Variants in ZDHHC7 observed in about 807,000 individuals in gnomAD.
The protein encoded by ZDHHC7 is zDHHC palmitoyltransferase 7, also known as palmitoyltransferase ZDHHC7.
Under a neutral mutation model 34.1 loss-of-function variants are expected in ZDHHC7, and 12 were observed. The ratio of observed to expected loss-of-function variants is 0.35; its 90% CI spans 0.23 to 0.57. The LOEUF (loss-of-function observed/expected upper bound fraction) is 0.57, where lower values mean the gene tolerates loss of function less well. ZDHHC7 is among the 20% of genes least tolerant of loss of function. The probability of loss-of-function intolerance (pLI) is 0.84; values close to 1 mark genes in which losing one functional copy is unlikely to be tolerated. For synonymous variants in ZDHHC7, 185 were observed against 155.4 expected, an observed-to-expected ratio of 1.19 and a Z score of -1.42; for missense variants, 388 against 402.7, an observed-to-expected ratio of 0.96 and a Z score of 0.31.
chr16:85,018,017 G>A, the ZDHHC7 span, among the ~76,000 whole-genome samples: 1 of 152,060 alleles, frequency 6.6e-6, no homozygotes, highest in South Asian at 2.1e-4. Context: ...GACACGGGTG[G>A]GTGTGTGTTT....
At position 84,996,738 on chromosome 16, in the gene ZDHHC7, G is replaced by GA. The variant is rs2072583471; in HGVS notation, c.-103-732dup. 4.6e-5 allele frequency among the ~76,000 whole-genome samples: 7 copies of GA among 152,126 alleles called. No homozygotes were observed. The South Asian group carries it at 1.4e-3, about 31-fold the overall frequency. On this transcript the variant is annotated intron_variant, in intron 1 of 7. Transcript: ENST00000313732. ...TTGTCGTAGCTCCATTATAAAAAAA[G>GA]AAAGTCCAGGCCAGGCGCGGTGGCT...
chr16:85,015,346 C>T (rs760356843), upstream of ZDHHC7, among the ~76,000 whole-genome samples: 6 of 152,018 alleles, frequency 3.9e-5, no homozygotes, highest in East Asian at 1.9e-4. Context: ...GGCGATCCAC[C>T]CACCTCGTCT....
chr16:84,981,645 T>G (rs985507818), intron 4 of ZDHHC7, among the ~76,000 whole-genome samples: 1 of 152,212 alleles, frequency 6.6e-6, no homozygotes, highest in African/African-American at 2.4e-5. Flanking sequence ...AGGGGATCCC[T>G]GAATCCATAC....
At chr16:84,993,928 G>A (rs1049084340) in intron 2 of ZDHHC7, among the ~76,000 whole-genome samples, 6 of 152,174 alleles carry the variant, frequency 3.9e-5, no homozygotes, top group South Asian at 2.1e-4. Flanking sequence ...AGCACTTTGC[G>A]AAGAGGTCTC....
chr16:84,981,524 C>T (rs1048163969), intron 4 of ZDHHC7, among the ~76,000 whole-genome samples: 3 of 152,218 alleles, frequency 2.0e-5, no homozygotes, highest in African/African-American at 7.2e-5. Context: ...AGGATGTGCC[C>T]AGGAGCTGTG....
In ZDHHC7 at chr16:84,975,670, C is replaced by G. The variant is rs2072285856; in HGVS notation, c.*673G>C. 6.5e-6 allele frequency: 1 copy of G among 152,678 alleles called. No homozygotes were observed. Among genetic ancestry groups the G allele is most frequent in the African/African-American group, 2.4e-5 (1 of 41,448 alleles). The allele number at this position is 152,678 out of a possible 1,614,324, so 9.5% of individuals were successfully genotyped here. Reference sequence around the variant, plus strand: ...AAAATAGCTTGTTTGCTGTACACAGCCGGTAAATGTTACATTGCCTAAACA... The same window carrying G: ...AAAATAGCTTGTTTGCTGTACACAGGCGGTAAATGTTACATTGCCTAAACA... On this transcript the variant is annotated 3_prime_UTR_variant, in exon 8 of 8. Coordinates refer to ENST00000313732, the MANE Select transcript of ZDHHC7 (RefSeq NM_017740.3).
chr16:84,977,267 C>A, intron 6 of ZDHHC7, 42 bp from the exon 7 acceptor site: 3 of 1,604,878 alleles, frequency 1.9e-6, no homozygotes, highest in Non-Finnish European at 1.7e-6. Flanking sequence ...TCCTGAATAC[C>A]CCGAGTGGCA....
At position 84,975,806 on chromosome 16, in the gene ZDHHC7, G is replaced by C. The variant is rs1597525906; in HGVS notation, c.*537C>G. 1 of 156,410 alleles carries C rather than the reference G, an allele frequency of 6.4e-6. No homozygotes were observed. The highest frequency in any genetic ancestry group is 1.9e-4 in the East Asian group (1 of 5,192). 9.7% of individuals were successfully genotyped at this position (156,410 alleles called of 1,614,324 possible). A position where few individuals can be genotyped will look rare whatever the true frequency, so the allele number is the denominator to read the frequency against. ...TGTCTCTTCCGGGGCAGCGGGGAGT[G>C]TGCCGGAAGCCACCTTCACTGTTCA... On this transcript the variant is annotated 3_prime_UTR_variant, in exon 8 of 8. Transcript: ENST00000313732.
intron 1 of ZDHHC7, among the ~76,000 whole-genome samples, chr16:85,003,470 C>T (rs1200019432): frequency 6.6e-6 from 1 of 152,244 alleles, no homozygotes; most frequent in East Asian, 1.9e-4. Context: ...CTCCTAAGTG[C>T]TCTTGCCATC....
intron 1 of ZDHHC7, among the ~76,000 whole-genome samples, chr16:85,004,201 A>G (rs1248769213): frequency 6.6e-6 from 1 of 151,854 alleles, no homozygotes; most frequent in Non-Finnish European, 1.5e-5. Flanking sequence ...CCCAAAAAAA[A>G]AGGCCCCGCC....
intron 4 of ZDHHC7, among the ~76,000 whole-genome samples, chr16:84,979,949 C>CTTTTTTT (rs561019555): frequency 4.2e-5 from 4 of 96,016 alleles, no homozygotes; most frequent in Admixed American, 1.4e-4. Flanking sequence ...ATAGCGTCAC[C>CTTTTTTT]TTTTTTTTTT....
chr16:85,007,985 T>C (rs2072739901), intron 1 of ZDHHC7, among the ~76,000 whole-genome samples: 1 of 151,938 alleles, frequency 6.6e-6, no homozygotes, highest in Non-Finnish European at 1.5e-5. Context: ...CAGGGTGGCG[T>C]ACACCTGTGG....
At chr16:85,013,100 G>A (rs890876457), upstream of ZDHHC7, among the ~76,000 whole-genome samples, 1 of 151,940 alleles carries the variant, frequency 6.6e-6, no homozygotes, top group African/African-American at 2.4e-5. Context: ...AGCCCAGAGA[G>A]GGCACCAAAG....
At chr16:85,014,403 T>G (rs1282826826), upstream of ZDHHC7, among the ~76,000 whole-genome samples, 1 of 152,218 alleles carries the variant, frequency 6.6e-6, no homozygotes, top group Non-Finnish European at 1.5e-5. Context: ...CTCTTTTTTT[T>G]AGAAAAGGTT....
chr16:84,974,664 G>A lies in ZDHHC7; in HGVS notation c.*1679C>T, dbSNP rs1441125848. The A allele has an allele frequency of 6.5e-6, 1 of 152,684 alleles. No individual in the cohort carries two copies. Among genetic ancestry groups the A allele is most frequent in the Non-Finnish European group, 1.5e-5 (1 of 68,048 alleles). The allele number at this position is 152,684 out of a possible 1,614,324, so 9.5% of individuals were successfully genotyped here. On this transcript the variant is annotated 3_prime_UTR_variant, in exon 8 of 8. Transcript: ENST00000313732. The stretch of plus-strand genomic sequence containing the variant: ...ACGCATGTCCAACCCAGACAACAAT[G>A]TGCAAATGAATATGCAGAACAATCT...
At chr16:85,005,405 G>C (rs189730502) in intron 1 of ZDHHC7, among the ~76,000 whole-genome samples, 23 of 152,276 alleles carry the variant, frequency 1.5e-4, no homozygotes, top group African/African-American at 5.5e-4. Flanking sequence ...TATTTACTGA[G>C]CATCTACTCT....
the ZDHHC7 span, among the ~76,000 whole-genome samples, chr16:85,016,602 C>A: frequency 1.3e-5 from 2 of 150,886 alleles, no homozygotes; most frequent in Admixed American, 1.3e-4. Flanking sequence ...TTACAGCTGC[C>A]GGCCACCACA....
At chr16:84,998,472 C>A (rs1379658905) in intron 1 of ZDHHC7, among the ~76,000 whole-genome samples, 2 of 152,126 alleles carry the variant, frequency 1.3e-5, no homozygotes, top group East Asian at 3.9e-4. Context: ...TGAGTCAACC[C>A]CCAGCTACTG....
chr16:84,976,576 C>A, intron 7 of ZDHHC7, 57 bp from the exon 8 acceptor site: 8 of 1,582,296 alleles, frequency 5.1e-6, no homozygotes, highest in Non-Finnish European at 6.9e-6. Context: ...GCAGACCCCA[C>A]CAAGCCTCAG....
Sources: allele counts gnomAD v4.1 joint callset (sites outside exome capture counted in the v4.1 genomes callset), GRCh38; gene constraint gnomAD v4.1.1; transcripts MANE v1.5; gene names NCBI Gene and HGNC (gene_info 2026-07-23, HGNC 2026-07-21).